The following NCOA1 variants were observed in gnomAD, a reference collection of about 807,000 sequenced individuals.
NCOA1 encodes the protein Hin-2 protein.
NCOA1 carries 35 observed loss-of-function variants against 150.9 expected under a neutral mutation model. The ratio of observed to expected loss-of-function variants is 0.23; its 90% CI spans 0.18 to 0.31. The LOEUF (loss-of-function observed/expected upper bound fraction) is 0.31, where lower values mean the gene tolerates loss of function less well. Among genes scored for constraint, NCOA1 ranks in the 10% least tolerant of loss-of-function variants. NCOA1 has a pLI of 1.00. For synonymous variants in NCOA1, 590 were observed against 630.0 expected (o/e 0.94, Z 0.95); for missense variants, 1,491 against 1,749.3 (o/e 0.85, Z 2.63).
intron 3 of NCOA1, among the ~76,000 whole-genome samples, chr2:24,627,811 G>GT (rs1491374896): frequency 1.3e-5 from 2 of 152,210 alleles, no homozygotes; most frequent in Non-Finnish European, 2.9e-5. Context: ...AGGTTTTTGA[G>GT]TGTGGATTTT....
intron 22 of NCOA1, among the ~76,000 whole-genome samples, chr2:24,765,551 T>C (rs1486484225): frequency 6.6e-6 from 1 of 152,132 alleles, no homozygotes. Context: ...CCAGATGTTT[T>C]TGAAAGTCTC....
chr2:24,766,347 C>G (rs1665063644), intron 22 of NCOA1, among the ~76,000 whole-genome samples: 1 of 152,142 alleles, frequency 6.6e-6, no homozygotes, highest in Admixed American at 6.6e-5. Context: ...ACATAAACAT[C>G]AAATTTTATA....
chr2:24,707,644 T>G lies in NCOA1; in HGVS notation c.2174T>G (p.Val725Gly). The part of the protein sequence containing the change: ...ASTSVSVTGQ[V>G]QGNSSIKLEL... Reference sequence around the variant, plus strand: ...ACTTCTGTGTCAGTGACTGGACAGGTACAAGGAAACTCCAGTATAAAACTA... The same window carrying G: ...ACTTCTGTGTCAGTGACTGGACAGGGACAAGGAAACTCCAGTATAAAACTA... Residue 725 changes from valine (V) to glycine (G), a missense_variant, in exon 13 of 23, where the codon GTA becomes GGA. Physicochemically the swap from Val to Gly is moderately radical, Grantham distance 109. Transcript: ENST00000348332. 1 of 1,614,102 alleles carries G rather than the reference T, an allele frequency of 6.2e-7. No individual in the cohort carries two copies. The highest frequency in any genetic ancestry group is 1.1e-5 in the South Asian group (1 of 91,076).
At chr2:24,624,969 A>G (rs1385707504) in intron 3 of NCOA1, among the ~76,000 whole-genome samples, 1 of 152,206 alleles carries the variant, frequency 6.6e-6, no homozygotes, top group East Asian at 1.9e-4. Context: ...CAGCTGGTGT[A>G]GTGTGAAAGC....
At chr2:24,655,903 A>G (rs1448218468) in intron 4 of NCOA1, among the ~76,000 whole-genome samples, 1 of 152,054 alleles carries the variant, frequency 6.6e-6, no homozygotes, top group East Asian at 1.9e-4. Flanking sequence ...CCTGGCTAAC[A>G]TGGTGAAACC....
At chr2:24,681,285 A>C (rs1423085548) in intron 7 of NCOA1, among the ~76,000 whole-genome samples, 1 of 152,134 alleles carries the variant, frequency 6.6e-6, no homozygotes, top group East Asian at 1.9e-4. Flanking sequence ...TATCACTTGA[A>C]TCCAGGAAGC....
At chr2:24,620,297 A>C (rs1434414020) in intron 3 of NCOA1, among the ~76,000 whole-genome samples, 1 of 152,182 alleles carries the variant, frequency 6.6e-6, no homozygotes, top group Non-Finnish European at 1.5e-5. Context: ...CCTCATGTTC[A>C]GATTGTTATT....
intron 3 of NCOA1, among the ~76,000 whole-genome samples, chr2:24,626,604 G>A (rs1051485092): frequency 6.6e-6 from 1 of 151,992 alleles, no homozygotes; most frequent in Non-Finnish European, 1.5e-5. Context: ...GTAGAGATGA[G>A]GATTTTCTTT....
At chr2:24,500,467 A>G (rs1489803048) in intron 1 of NCOA1, among the ~76,000 whole-genome samples, 1 of 152,178 alleles carries the variant, frequency 6.6e-6, no homozygotes, top group East Asian at 1.9e-4. Flanking sequence ...GTCTGTGAAG[A>G]TGTTTCTTCT....
At chr2:24,603,147 G>T (rs553095788) in intron 3 of NCOA1, among the ~76,000 whole-genome samples, 1 of 152,036 alleles carries the variant, frequency 6.6e-6, no homozygotes, top group Admixed American at 6.6e-5. Flanking sequence ...ATGCTATACC[G>T]TAGTCTATCA....
chr2:24,707,710 A>G lies in NCOA1; in HGVS notation c.2240A>G (p.Gln747Arg). 1.9e-6 allele frequency: 3 copies of G among 1,614,184 alleles called. No individual in the cohort carries two copies. Among genetic ancestry groups the G allele is most frequent in the Non-Finnish European group, 2.5e-6 (3 of 1,179,994 alleles). The change falls in exon 13 of 23, where the codon CAG (glutamine) becomes CGG (arginine). Residue 747 changes from glutamine to arginine, a missense_variant. Physicochemically the swap from Gln to Arg is conservative, Grantham distance 43. Around this residue, in one of 8 missense-constraint regions of NCOA1, gnomAD observed 703 missense variants for 717.7 expected, o/e 0.98. Transcript: ENST00000348332. ...AAGAAAAAAGAATCAAAAGACCATC[A>G]GCTCCTACGCTATCTTTTAGATAAA... ...ASKKKESKDH[Q>R]LLRYLLDKDE... is the part of the protein sequence containing the mutation.
rs558474348 is a variant in NCOA1, at chr2:24,556,704, CTAT to C, written c.-395-7585_-395-7583del. Among the ~76,000 whole-genome samples the C allele has an allele frequency of 3.3e-5, 5 of 152,118 alleles. No individual in the cohort carries two copies. The East Asian group carries it at 9.6e-4, about 29-fold the overall frequency. On this transcript the variant is annotated intron_variant, in intron 1 of 22. Coordinates refer to ENST00000348332, the MANE Select transcript of NCOA1 (RefSeq NM_003743.5). ...TACCATCTCATGCCAGTCAGGATGG[CTAT>C]TATTAAAAAGTCAAGAAACAACAGA...
intron 21 of NCOA1, among the ~76,000 whole-genome samples, chr2:24,761,605 T>A (rs1664798114): frequency 6.6e-6 from 1 of 152,224 alleles, no homozygotes; most frequent in South Asian, 2.1e-4. Context: ...TGAATTGATT[T>A]CAGTTGACTT....
chr2:24,728,627 T>C lies in NCOA1; in HGVS notation c.2886+151T>C, dbSNP rs997815149. On this transcript the variant is annotated intron_variant, in intron 16 of 22. Coordinates refer to ENST00000348332, the MANE Select transcript of NCOA1 (RefSeq NM_003743.5). ...ACTTATCAAAATATATGAGTTTTTT[T>C]TTTAAGAAAAAGTATTACAGTAATT... is the stretch of plus-strand genomic sequence containing the variant. 13 of 599,976 alleles carry C rather than the reference T, an allele frequency of 2.2e-5. No homozygotes were observed. In the East Asian group the frequency reaches 4.2e-4, roughly 19 times the overall value. 37.2% of individuals were successfully genotyped at this position (599,976 alleles called of 1,614,324 possible). A position where few individuals can be genotyped will look rare whatever the true frequency, so the allele number is the denominator to read the frequency against.
At chr2:24,763,835 C>T (rs368187282) in intron 22 of NCOA1, among the ~76,000 whole-genome samples, 2 of 151,730 alleles carry the variant, frequency 1.3e-5, no homozygotes, top group African/African-American at 4.8e-5. Context: ...TTGACCAGGC[C>T]GGTCTCGAAC....
chr2:24,504,218 A>G (rs1426674107), intron 1 of NCOA1, among the ~76,000 whole-genome samples: 8 of 152,220 alleles, frequency 5.3e-5, no homozygotes, highest in Non-Finnish European at 8.8e-5. Context: ...TTTGAATTCA[A>G]TTTGTGGGCT....
chr2:24,662,965 T>TC (rs1219675425), intron 5 of NCOA1, among the ~76,000 whole-genome samples: 2 of 31,176 alleles, frequency 6.4e-5, no homozygotes, highest in Non-Finnish European at 9.6e-5. Flanking sequence ...TTTTTTTTTC[T>TC]TTTTTTTTTT....
In NCOA1 at chr2:24,715,665, A is replaced by G. The variant is rs565917303; in HGVS notation, c.2599+4554A>G. Among the ~76,000 whole-genome samples, 190 of 152,348 alleles carry G rather than the reference A, an allele frequency of 1.2e-3. 1 individual carries two copies. The highest frequency in any genetic ancestry group is 4.3e-3 in the African/African-American group (179 of 41,594). ...TACAAAATACATAAAATATTAAGAC[A>G]TAAATTTTAGATGGAATAACATGTG... On this transcript the variant is annotated intron_variant, in intron 14 of 22. Transcript: ENST00000348332.
At chr2:24,738,596 G>C (rs1180624336) in intron 17 of NCOA1, among the ~76,000 whole-genome samples, 7 of 152,128 alleles carry the variant, frequency 4.6e-5, no homozygotes, top group Admixed American at 6.6e-5. Context: ...TAGAAAAAAA[G>C]GTTCATGATA....
Sources: gnomAD v4.1 joint callset for allele counts (sites outside exome capture counted in the v4.1 genomes callset) on GRCh38, gnomAD v4.1.1 for gene constraint, gnomAD v4.1.1 regional missense constraint, MANE v1.5 for transcripts, NCBI Gene and HGNC (gene_info 2026-07-23, HGNC 2026-07-21) for gene names.